FOCAD: variants seen among roughly 807,000 people sequenced by gnomAD.
FOCAD encodes KIAA1797.
Under a neutral mutation model 225.6 loss-of-function variants are expected in FOCAD, and 198 were observed. The observed-to-expected ratio is 0.88, with a 90% CI of 0.78 to 0.99. The LOEUF (loss-of-function observed/expected upper bound fraction) is 0.99. FOCAD is among the 50% of genes least tolerant of loss of function. FOCAD has a pLI of 0.00. For missense variants in FOCAD, 2,713 were observed against 2,123.6 expected (o/e 1.28, Z -5.46); for synonymous variants, 897 against 755.0 (o/e 1.19, Z -3.08).
chr9:20,717,797 G>C lies in FOCAD; in HGVS notation c.61G>C (p.Val21Leu), dbSNP rs752843013. 5 of 1,610,824 alleles carry C rather than the reference G, an allele frequency of 3.1e-6. No homozygotes were observed. In the Admixed American group the frequency reaches 5.0e-5, roughly 16 times the overall value. The change falls in exon 3 of 44, where the codon GTG becomes CTG. Residue 21 changes from valine to leucine, a missense_variant. Val to Leu is a conservative substitution (Grantham distance 32). Coordinates refer to ENST00000338382, the MANE Select transcript of FOCAD (RefSeq NM_001375567.1). ...ATTAATTTTATTTCTTTTTAAGGCT[G>C]TGGGTCATCTTATTGCTGCAGTCCT... is the stretch of plus-strand genomic sequence containing the variant. ...FPNSLIQSQA[V>L]GHLIAAVLKE...
chr9:20,877,904 T>A (rs1268404747), intron 19 of FOCAD, among the ~76,000 whole-genome samples: 1 of 151,452 alleles, frequency 6.6e-6, no homozygotes, highest in Non-Finnish European at 1.5e-5. Flanking sequence ...AGACTCCATC[T>A]CAAAAAAACA....
intron 38 of FOCAD, 27 bp downstream of exon 38, chr9:20,981,713 T>C (rs773367581): frequency 1.9e-6 from 3 of 1,586,702 alleles, no homozygotes; most frequent in Non-Finnish European, 2.6e-6. Flanking sequence ...TTTACATTCC[T>C]GACAATTTAT....
intron 2 of FOCAD, among the ~76,000 whole-genome samples, chr9:20,672,951 C>T (rs1822118235): frequency 6.6e-6 from 1 of 152,094 alleles, no homozygotes; most frequent in African/African-American, 2.4e-5. Context: ...TTGAAGTAAA[C>T]TGATAATTAG....
chr9:20,781,187 A>C (rs1053301633), intron 9 of FOCAD, among the ~76,000 whole-genome samples: 1 of 152,220 alleles, frequency 6.6e-6, no homozygotes, highest in South Asian at 2.1e-4. Context: ...AGTTGTTTCC[A>C]TGTTAAAGAA....
Position 20,990,208 on chromosome 9 carries a change from C to T in FOCAD, c.5090C>T (p.Ala1697Val). 1 of 1,614,202 alleles carries T rather than the reference C, an allele frequency of 6.2e-7. No individual in the cohort carries two copies. The highest frequency in any genetic ancestry group is 1.1e-5 in the South Asian group (1 of 91,090). Residue 1697 changes from alanine (A) to valine (V), a missense_variant, in exon 42 of 44, where the codon GCC (alanine) becomes GTC (valine). Physicochemically the swap from Ala to Val is moderately conservative, Grantham distance 64 (BLOSUM62 0). Transcript: ENST00000338382. ...HTAPLLLGLS[A>V]SWLPWHQENG... ...GCCCCTCTCCTCCTCGGCCTCAGTG[C>T]CAGTTGGTTGCCATGGCATCAGGAG... is the stretch of plus-strand genomic sequence containing the variant.
chr9:20,993,359 G>A, intron 43 of FOCAD, 31 bp downstream of exon 43: 1 of 1,553,862 alleles, frequency 6.4e-7, no homozygotes, highest in Non-Finnish European at 8.9e-7. Context: ...GCTCAACATA[G>A]GGGAAAAACC....
rs754389976 is a variant in FOCAD at position 20,720,538 on chromosome 9, C to T, written c.287+4C>T. On this transcript the variant is annotated splice_donor_region_variant and intron_variant, in intron 4 of 43. Transcript: ENST00000338382. ...TCAACTTGATTCCATCAACCAGGTACTTTTTCCTCAGTGTTTGGTCAGTTA... is the reference window on the plus strand; with the variant it reads ...TCAACTTGATTCCATCAACCAGGTATTTTTTCCTCAGTGTTTGGTCAGTTA... The T allele has an allele frequency of 6.2e-7, 1 of 1,613,340 alleles. No individual in the cohort carries two copies. Among genetic ancestry groups the T allele is most frequent in the Non-Finnish European group, 8.5e-7 (1 of 1,179,664 alleles).
rs559589581 is a variant in FOCAD, at chr9:20,892,973, C to T, written c.2625+7743C>T. On this transcript the variant is annotated intron_variant, in intron 21 of 43. Coordinates refer to ENST00000338382, the MANE Select transcript of FOCAD (RefSeq NM_001375567.1). ...CACTCACAAAAATATTAGGAGTTGC[C>T]AAAGATTTATATAATTATTTACATT... Among the ~76,000 whole-genome samples the T allele has an allele frequency of 5.1e-4, 77 of 151,984 alleles. 2 individuals carry two copies. In the South Asian group the frequency reaches 0.015, roughly 30 times the overall value.
In FOCAD at chr9:20,703,822, G is replaced by A. The variant is rs569061330; in HGVS notation, c.-32-11500G>A. 3.3e-5 allele frequency among the ~76,000 whole-genome samples: 5 copies of A among 152,252 alleles called. No homozygotes were observed. The South Asian group carries it at 1.0e-3, about 32-fold the overall frequency. ...TGCAAGACTCTCTTGGCTTTAAGGC[G>A]TACTTTATATTGTTATGCACAAGAC... On this transcript the variant is annotated intron_variant, in intron 1 of 43. Coordinates refer to ENST00000338382, the MANE Select transcript of FOCAD (RefSeq NM_001375567.1).
intron 15 of FOCAD, among the ~76,000 whole-genome samples, chr9:20,827,821 T>G (rs1825066189): frequency 6.6e-6 from 1 of 152,100 alleles, no homozygotes; most frequent in Non-Finnish European, 1.5e-5. Context: ...AGATATCGAA[T>G]GTAAAACATG....
chr9:20,775,865 T>G (rs1431029606), intron 8 of FOCAD, among the ~76,000 whole-genome samples: 1 of 151,990 alleles, frequency 6.6e-6, no homozygotes, highest in Non-Finnish European at 1.5e-5. Flanking sequence ...TTATTTCATT[T>G]TTTAAAATTT....
At chr9:20,874,353 G>A (rs375264677) in intron 18 of FOCAD, 16 of 196,780 alleles carry the variant, frequency 8.1e-5, no homozygotes, top group African/African-American at 3.6e-4. Flanking sequence ...GTATGTCAGT[G>A]TTTGCATTTT....
intron 25 of FOCAD, among the ~76,000 whole-genome samples, chr9:20,924,674 A>G (rs1479419550): frequency 6.6e-6 from 1 of 152,150 alleles, no homozygotes; most frequent in Non-Finnish European, 1.5e-5. Context: ...TGGTACACTA[A>G]AAAAATCAAC....
intron 36 of FOCAD, among the ~76,000 whole-genome samples, chr9:20,977,819 C>G (rs938264880): frequency 3.5e-4 from 54 of 152,220 alleles, no homozygotes; most frequent in African/African-American, 1.3e-3. Context: ...TTCCGCTATC[C>G]CTCTCCTTGT....
intron 28 of FOCAD, among the ~76,000 whole-genome samples, chr9:20,943,940 G>T (rs1476333500): frequency 6.6e-6 from 1 of 152,076 alleles, no homozygotes; most frequent in Non-Finnish European, 1.5e-5. Context: ...GAGAATTGGG[G>T]GCACAAAGCC....
chr9:20,726,108 T>C (rs1057290173), intron 4 of FOCAD, among the ~76,000 whole-genome samples: 1 of 152,222 alleles, frequency 6.6e-6, no homozygotes, highest in East Asian at 1.9e-4. Flanking sequence ...GTGAAAGATA[T>C]ATAGCAGCAT....
In FOCAD at chr9:20,995,823, C is replaced by T. The variant is rs1191095238; in HGVS notation, c.*194C>T. ...GGAGTGCATTGCTTTAGTACCCGGGCCAGTTGAGACTGAAACAGGAACTTG... is the reference window on the plus strand; with the variant it reads ...GGAGTGCATTGCTTTAGTACCCGGGTCAGTTGAGACTGAAACAGGAACTTG... On this transcript the variant is annotated 3_prime_UTR_variant, in exon 44 of 44. Coordinates refer to ENST00000338382, the MANE Select transcript of FOCAD (RefSeq NM_001375567.1). 1 of 370,466 alleles carries T rather than the reference C, an allele frequency of 2.7e-6. No individual in the cohort carries two copies. The highest frequency in any genetic ancestry group is 4.9e-6 in the Non-Finnish European group (1 of 204,492). The allele number at this position is 370,466 out of a possible 1,614,324, so 22.9% of individuals were successfully genotyped here.
At chr9:20,788,152 T>C (rs904576767) in intron 10 of FOCAD, among the ~76,000 whole-genome samples, 3 of 152,218 alleles carry the variant, frequency 2.0e-5, no homozygotes, top group East Asian at 3.8e-4. Flanking sequence ...AAATGAATTA[T>C]TGATAGAAGT....
chr9:20,707,777 A>G (rs370370827), intron 1 of FOCAD, among the ~76,000 whole-genome samples: 2 of 152,184 alleles, frequency 1.3e-5, no homozygotes, highest in African/African-American at 4.8e-5. Context: ...CTCAAGGGTC[A>G]ACTGTGGTTA....
Sources: allele counts gnomAD v4.1 joint callset (sites outside exome capture counted in the v4.1 genomes callset), GRCh38; gene constraint gnomAD v4.1.1; transcripts MANE v1.5; gene names NCBI Gene and HGNC (gene_info 2026-07-23, HGNC 2026-07-21).